The following FGF9 variants were observed in gnomAD, a reference collection of about 807,000 sequenced individuals.
The protein encoded by FGF9 is fibroblast growth factor 9 (glia-activating factor).
Under a neutral mutation model 19.9 loss-of-function variants are expected in FGF9, and 3 were observed. The ratio of observed to expected loss-of-function variants is 0.15; its 90% CI spans 0.07 to 0.39. The LOEUF is 0.39. Ranked by LOEUF, FGF9 falls within the 10% of genes least tolerant of loss-of-function variation. The pLI, the probability that FGF9 is intolerant of heterozygous loss-of-function variation, is 1.00. For missense variants in FGF9, 175 were observed against 256.8 expected (o/e 0.68, Z 2.18); for synonymous variants, 107 against 106.9 (o/e 1.00, Z -0.01).
intron 2 of FGF9, among the ~76,000 whole-genome samples, chr13:21,693,876 T>A (rs543911815): frequency 6.6e-6 from 1 of 152,328 alleles, no homozygotes; most frequent in African/African-American, 2.4e-5. Flanking sequence ...GAACGCAGTC[T>A]GTGTTTTCCA....
intron 1 of FGF9, among the ~76,000 whole-genome samples, chr13:21,673,682 A>G (rs1402744290): frequency 6.6e-6 from 1 of 152,022 alleles, no homozygotes; most frequent in African/African-American, 2.4e-5. Flanking sequence ...TACCAGAACA[A>G]CAGGCAGTGG....
At chr13:21,680,227 T>C (rs1361787512) in intron 1 of FGF9, among the ~76,000 whole-genome samples, 2 of 152,202 alleles carry the variant, frequency 1.3e-5, no homozygotes, top group African/African-American at 4.8e-5. Context: ...AATATTATTA[T>C]TTTAATTGCT....
In FGF9 at chr13:21,681,244, T is replaced by C; in HGVS notation, c.381+99T>C. 7 of 908,278 alleles carry C rather than the reference T, an allele frequency of 7.7e-6. No individual in the cohort carries two copies. The South Asian group carries it at 9.8e-5, about 13-fold the overall frequency. The allele number at this position is 908,278 out of a possible 1,614,324, so 56.3% of individuals were successfully genotyped here. A position where few individuals can be genotyped will look rare whatever the true frequency, so the allele number is the denominator to read the frequency against. On this transcript the variant is annotated intron_variant, in intron 2 of 2. Coordinates refer to ENST00000382353, the MANE Select transcript of FGF9 (RefSeq NM_002010.3). ...AAAGGGCCAGAAATGCAACTGAGTC[T>C]GTTTGGAAGGCGAGTGTAAGTTTTT...
chr13:21,701,207 G>C lies in FGF9; in HGVS notation c.399G>C (p.Glu133Asp), dbSNP rs770847282. 1 of 1,613,668 alleles carries C rather than the reference G, an allele frequency of 6.2e-7. No homozygotes were observed. The highest frequency in any genetic ancestry group is 8.5e-7 in the Non-Finnish European group (1 of 1,179,768). ...TTTTACAGGAAAAACTAACCCAAGA[G>C]TGTGTATTCAGAGAACAGTTCGAAG... ...ELYGSEKLTQ[E>D]CVFREQFEEN... The change falls in exon 3 of 3, where the codon GAG (glutamate) becomes GAC (aspartate). Residue 133 changes from glutamate to aspartate, a missense_variant. Glu to Asp is a conservative substitution (Grantham distance 45). This residue lies in a region of FGF9 where 101 missense variants were observed against 160.7 expected (regional missense o/e 0.63). Coordinates refer to ENST00000382353, the MANE Select transcript of FGF9 (RefSeq NM_002010.3).
Position 21,691,422 on chromosome 13 carries a change from C to T in FGF9, c.382-9768C>T, listed in dbSNP as rs1872287158. Reference sequence around the variant, plus strand: ...TTCTCAGTAGAGAAACCTTTTCAGCCAAGAAGGCAACTTTGCTGCAGGGTT... The same window carrying T: ...TTCTCAGTAGAGAAACCTTTTCAGCTAAGAAGGCAACTTTGCTGCAGGGTT... On this transcript the variant is annotated intron_variant, in intron 2 of 2. Transcript: ENST00000382353. The surrounding 1 kb of genome is among the most constrained non-coding windows in gnomAD (Gnocchi z 4.2). Among the ~76,000 whole-genome samples, 1 of 152,300 alleles carries T rather than the reference C, an allele frequency of 6.6e-6. No individual in the cohort carries two copies. Among genetic ancestry groups the T allele is most frequent in the East Asian group, 1.9e-4 (1 of 5,174 alleles).
intron 2 of FGF9, among the ~76,000 whole-genome samples, chr13:21,695,489 A>G (rs1872386650): frequency 6.6e-6 from 1 of 151,512 alleles, no homozygotes; most frequent in South Asian, 2.1e-4. Context: ...TCTGGGTGGG[A>G]GCTTCTCATG....
Position 21,691,918 on chromosome 13 carries a change from T to G in FGF9, c.382-9272T>G, listed in dbSNP as rs1017584453. Among the ~76,000 whole-genome samples, 1 of 152,172 alleles carries G rather than the reference T, an allele frequency of 6.6e-6. No individual in the cohort carries two copies. The highest frequency in any genetic ancestry group is 1.5e-5 in the Non-Finnish European group (1 of 68,032). On this transcript the variant is annotated intron_variant, in intron 2 of 2. Transcript: ENST00000382353. This position sits in a 1 kb window ranked among gnomAD's most constrained non-coding sequence, Gnocchi z 4.2. The stretch of plus-strand genomic sequence containing the variant: ...TAAGTGTGAGAGCCACACTCAGAGC[T>G]GTCTTCTTCATGCTGTCTCTAAATG...
In FGF9 at chr13:21,690,761, C is replaced by T. The variant is rs1872271382; in HGVS notation, c.381+9616C>T. Among the ~76,000 whole-genome samples the T allele has an allele frequency of 2.0e-5, 3 of 152,222 alleles. No homozygotes were observed. The South Asian group carries it at 6.2e-4, about 31-fold the overall frequency. ...AGATGCTGTTCTTGTCTCAGCTCTG[C>T]TGGAAGCAAGGGTCCTCTTTGGGAT... On this transcript the variant is annotated intron_variant, in intron 2 of 2. Coordinates refer to ENST00000382353, the MANE Select transcript of FGF9 (RefSeq NM_002010.3).
chr13:21,674,792 T>A (rs1260289054), intron 1 of FGF9, among the ~76,000 whole-genome samples: 1 of 150,168 alleles, frequency 6.7e-6, no homozygotes, highest in African/African-American at 2.5e-5. Context: ...ACTCTGCCAC[T>A]GGAGAGAGCG....
At chr13:21,698,054 C>G (rs1043521773) in intron 2 of FGF9, among the ~76,000 whole-genome samples, 1 of 152,104 alleles carries the variant, frequency 6.6e-6, no homozygotes, top group Non-Finnish European at 1.5e-5. Context: ...GTGATCCGCC[C>G]GCCTCGGCCT....
At chr13:21,692,387 G>A (rs1872313005) in intron 2 of FGF9, among the ~76,000 whole-genome samples, 1 of 151,820 alleles carries the variant, frequency 6.6e-6, no homozygotes, top group African/African-American at 2.4e-5. Context: ...TCTTTTTCAA[G>A]CTGATTTTCA....
At chr13:21,673,372 G>A (rs1871816873) in intron 1 of FGF9, among the ~76,000 whole-genome samples, 1 of 152,134 alleles carries the variant, frequency 6.6e-6, no homozygotes, top group South Asian at 2.1e-4. Context: ...GGAGGACTTA[G>A]GCCTGGGCTG....
intron 2 of FGF9, among the ~76,000 whole-genome samples, chr13:21,685,115 AC>A (rs1235683768): frequency 2.0e-5 from 3 of 152,182 alleles, no homozygotes; most frequent in African/African-American, 7.2e-5. Context: ...TGGTTGTGTT[AC>A]TAAATACACT....
At position 21,686,572 on chromosome 13, in the gene FGF9, G is replaced by A. The variant is rs182998025; in HGVS notation, c.381+5427G>A. On this transcript the variant is annotated intron_variant, in intron 2 of 2. Transcript: ENST00000382353. The stretch of plus-strand genomic sequence containing the variant: ...GATGGGGGAGGTGCTAACATTTCTC[G>A]TTTGTATCCCTTTGTAGCACTTACA... Among the ~76,000 whole-genome samples the A allele has an allele frequency of 3.4e-3, 522 of 152,274 alleles. 1 individual carries two copies. The highest frequency in any genetic ancestry group is 5.4e-3 in the Non-Finnish European group (366 of 68,016).
chr13:21,681,418 C>A (rs1872040445), intron 2 of FGF9, among the ~76,000 whole-genome samples: 3 of 151,968 alleles, frequency 2.0e-5, no homozygotes, highest in Admixed American at 2.0e-4. Flanking sequence ...GTGAAAAATC[C>A]CATCTCTTTG....
At chr13:21,674,092 G>A (rs1036538438) in intron 1 of FGF9, 67 of 152,510 alleles carry the variant, frequency 4.4e-4, no homozygotes, top group African/African-American at 1.6e-3. Context: ...GTGTGTGAGA[G>A]TGGGTCTGGC....
chr13:21,674,886 A>G (rs1382860819), intron 1 of FGF9, among the ~76,000 whole-genome samples: 2 of 151,566 alleles, frequency 1.3e-5, no homozygotes, highest in African/African-American at 4.8e-5. Context: ...GCGGCGGGCT[A>G]CAGTGGCTCA....
intron 2 of FGF9, among the ~76,000 whole-genome samples, chr13:21,693,521 A>G (rs1872339847): frequency 1.3e-5 from 2 of 152,146 alleles, no homozygotes; most frequent in Non-Finnish European, 2.9e-5. Context: ...GCTTATGTCC[A>G]GCTGCTCCCC....
intron 2 of FGF9, among the ~76,000 whole-genome samples, chr13:21,686,259 C>T (rs1368837084): frequency 6.6e-6 from 1 of 152,164 alleles, no homozygotes; most frequent in Non-Finnish European, 1.5e-5. Flanking sequence ...GAATTCCTGA[C>T]ATCAAGTGAT....
Sources: gnomAD v4.1 joint callset for allele counts (sites outside exome capture counted in the v4.1 genomes callset) on GRCh38, gnomAD v4.1.1 for gene constraint, gnomAD v4.1.1 regional missense constraint, Gnocchi (gnomAD v3.1) non-coding constraint, MANE v1.5 for transcripts, NCBI Gene and HGNC (gene_info 2026-07-23, HGNC 2026-07-21) for gene names.